Variants in MAN2A1 observed in about 807,000 individuals in gnomAD.
MAN2A1 encodes the protein alpha-mannosidase 2.
A neutral mutation model predicts 142.6 loss-of-function variants in MAN2A1; 76 were observed. That is an observed-to-expected ratio of 0.53 (90% confidence interval 0.44 to 0.65). The LOEUF (loss-of-function observed/expected upper bound fraction) is 0.65. Ranked by LOEUF, MAN2A1 falls within the 30% of genes least tolerant of loss-of-function variation. The pLI, the probability that MAN2A1 is intolerant of heterozygous loss-of-function variation, is 0.00. For missense variants in MAN2A1, 1,311 were observed against 1,365.1 expected (o/e 0.96, Z 0.62); for synonymous variants, 559 against 473.2 (o/e 1.18, Z -2.35).
At chr5:109,789,973 G>T (rs1333904162) in intron 12 of MAN2A1, among the ~76,000 whole-genome samples, 1 of 151,824 alleles carries the variant, frequency 6.6e-6, no homozygotes, top group African/African-American at 2.4e-5. Context: ...CATTTTGCTG[G>T]TGAAACAGCC....
chr5:109,773,559 T>C (rs1753206211), intron 7 of MAN2A1, among the ~76,000 whole-genome samples: 1 of 152,144 alleles, frequency 6.6e-6, no homozygotes, highest in African/African-American at 2.4e-5. Context: ...TGTGGAATGT[T>C]AGTAAATTAC....
intron 19 of MAN2A1, 115 bp from the exon 20 acceptor site, chr5:109,855,025 G>A (rs1755569793): frequency 8.0e-6 from 4 of 502,874 alleles, no homozygotes; most frequent in Non-Finnish European, 1.3e-5. Flanking sequence ...TTTATAAAAT[G>A]TAATGAAACC....
intron 1 of MAN2A1, among the ~76,000 whole-genome samples, chr5:109,694,122 G>A (rs1395510964): frequency 1.3e-5 from 2 of 152,144 alleles, no homozygotes; most frequent in Non-Finnish European, 2.9e-5. Context: ...GTCAGGTTTT[G>A]TATAACAAAT....
intron 8 of MAN2A1, among the ~76,000 whole-genome samples, chr5:109,777,518 A>G (rs1169338533): frequency 6.6e-6 from 1 of 151,884 alleles, no homozygotes; most frequent in Non-Finnish European, 1.5e-5. Flanking sequence ...TGTAGCCTGC[A>G]TTTTCACTTT....
chr5:109,720,752 T>C (rs985570836), intron 3 of MAN2A1, among the ~76,000 whole-genome samples: 1 of 152,166 alleles, frequency 6.6e-6, no homozygotes, highest in African/African-American at 2.4e-5. Context: ...TTCAAAGCCG[T>C]CCTGGGCCAC....
At chr5:109,773,430 C>G (rs1416854060) in intron 7 of MAN2A1, among the ~76,000 whole-genome samples, 1 of 151,964 alleles carries the variant, frequency 6.6e-6, no homozygotes, top group Admixed American at 6.6e-5. Context: ...TATCTTATAT[C>G]TATGATTTAT....
rs182800662 is a variant in MAN2A1, at chr5:109,757,389, C to G, written c.835+1933C>G. On this transcript the variant is annotated intron_variant, in intron 5 of 21. Coordinates refer to ENST00000261483, the MANE Select transcript of MAN2A1 (RefSeq NM_002372.4). Reference sequence around the variant, plus strand: ...CAGTGAGTTTTAACAATGTACATACCCATTTAATCTATACATTTATTACCC... The same window carrying G: ...CAGTGAGTTTTAACAATGTACATACGCATTTAATCTATACATTTATTACCC... Among the ~76,000 whole-genome samples the G allele has an allele frequency of 1.0e-3, 155 of 152,074 alleles. 2 individuals are homozygous for G. Among genetic ancestry groups the G allele is most frequent in the African/African-American group, 3.3e-3 (138 of 41,484 alleles).
At chr5:109,856,424 G>A (rs1755606488) in intron 20 of MAN2A1, among the ~76,000 whole-genome samples, 1 of 152,170 alleles carries the variant, frequency 6.6e-6, no homozygotes, top group South Asian at 2.1e-4. Context: ...CAAAAGGTAG[G>A]AAAATGTGGG....
At chr5:109,702,570 A>G (rs1751018930) in intron 1 of MAN2A1, among the ~76,000 whole-genome samples, 1 of 152,188 alleles carries the variant, frequency 6.6e-6, no homozygotes. Context: ...CTGGAGAAGT[A>G]AAAACTGTCT....
At chr5:109,827,311 A>G (rs1246147475) in intron 16 of MAN2A1, among the ~76,000 whole-genome samples, 1 of 152,188 alleles carries the variant, frequency 6.6e-6, no homozygotes, top group Non-Finnish European at 1.5e-5. Flanking sequence ...TTGGGTGTCT[A>G]TTTTTGTTAA....
intron 4 of MAN2A1, among the ~76,000 whole-genome samples, 169 bp from the exon 5 acceptor site, chr5:109,755,160 A>G (rs1227353310): frequency 7.2e-5 from 11 of 152,214 alleles, no homozygotes; most frequent in Admixed American, 7.2e-4. Flanking sequence ...GGGTGCTATC[A>G]TGAGGTCTTG....
At chr5:109,862,311 G>A (rs1273545961) in intron 20 of MAN2A1, 1 of 152,184 alleles carries the variant, frequency 6.6e-6, no homozygotes, top group Non-Finnish European at 1.5e-5. Context: ...CCACCAAGTT[G>A]CTGGAAGAGC....
chr5:109,749,820 C>T (rs1326795904), intron 4 of MAN2A1, among the ~76,000 whole-genome samples: 1 of 151,836 alleles, frequency 6.6e-6, no homozygotes, highest in Non-Finnish European at 1.5e-5. Flanking sequence ...TCAATTGATA[C>T]CTGTTGAACA....
Position 109,737,445 on chromosome 5 carries a change from ATT to A in MAN2A1, c.707+7945_707+7946del, listed in dbSNP as rs34188816. 8.6e-3 allele frequency among the ~76,000 whole-genome samples: 1,261 copies of A among 146,846 alleles called. 25 individuals are homozygous for A. Among genetic ancestry groups the A allele is most frequent in the African/African-American group, 0.029 (1,165 of 39,974 alleles). Reference sequence around the variant, plus strand: ...CTTTTTATTCTTTAGAGATTTTTGAATTTTTTTTTTTTTTGTTACTTAATGTG... The same window carrying A: ...CTTTTTATTCTTTAGAGATTTTTGAATTTTTTTTTTTTGTTACTTAATGTG... On this transcript the variant is annotated intron_variant, in intron 4 of 21. Coordinates refer to ENST00000261483, the MANE Select transcript of MAN2A1 (RefSeq NM_002372.4).
intron 12 of MAN2A1, among the ~76,000 whole-genome samples, chr5:109,798,670 G>GTTTGTTTTGT (rs146995078): frequency 6.6e-6 from 1 of 151,858 alleles, no homozygotes; most frequent in South Asian, 2.1e-4. Context: ...TGTTTTGTTT[G>GTTTGTTTTGT]TTTGTTTTGT....
chr5:109,788,580 C>T (rs1253280408), intron 10 of MAN2A1, among the ~76,000 whole-genome samples: 1 of 151,772 alleles, frequency 6.6e-6, no homozygotes, highest in East Asian at 1.9e-4. Context: ...AGAGCTTTTT[C>T]TAAAGTAGCA....
intron 19 of MAN2A1, among the ~76,000 whole-genome samples, chr5:109,848,558 T>TC (rs1323981849): frequency 6.6e-6 from 1 of 152,122 alleles, no homozygotes; most frequent in South Asian, 2.1e-4. Flanking sequence ...TAACATCTAC[T>TC]CCCACCCTTC....
At chr5:109,745,483 A>G (rs948927676) in intron 4 of MAN2A1, among the ~76,000 whole-genome samples, 1 of 152,132 alleles carries the variant, frequency 6.6e-6, no homozygotes, top group South Asian at 2.1e-4. Flanking sequence ...ACATTTTTCA[A>G]CTTATTTTGA....
intron 8 of MAN2A1, among the ~76,000 whole-genome samples, chr5:109,779,548 T>TAC (rs964912955): frequency 2.4e-5 from 3 of 126,392 alleles, no homozygotes; most frequent in African/African-American, 3.4e-5. Flanking sequence ...CTTTTATGGT[T>TAC]ACACACACAC....
Sources: allele counts gnomAD v4.1 joint callset (sites outside exome capture counted in the v4.1 genomes callset), GRCh38; gene constraint gnomAD v4.1.1; transcripts MANE v1.5; gene names NCBI Gene and HGNC (gene_info 2026-07-23, HGNC 2026-07-21).